The following CDH19 variants were observed in gnomAD, a reference collection of about 807,000 sequenced individuals.
The protein encoded by CDH19 is cadherin-19.
In CDH19, 67 loss-of-function variants were observed where a neutral mutation model predicts 64.2. That is an observed-to-expected ratio of 1.04 (90% CI 0.86 to 1.28). The LOEUF (loss-of-function observed/expected upper bound fraction) is 1.28. Ranked by LOEUF, CDH19 falls within the 50% of genes most tolerant of loss-of-function variation. CDH19 has a pLI of 0.00. For synonymous variants in CDH19, 346 were observed against 319.3 expected (o/e 1.08, Z -0.89); for missense variants, 1,030 against 929.0 (o/e 1.11, Z -1.41).
chr18:66,546,570 C>T (rs190577505), intron 5 of CDH19, among the ~76,000 whole-genome samples: 1 of 152,214 alleles, frequency 6.6e-6, no homozygotes, highest in East Asian at 1.9e-4. Context: ...TTACAAGGTC[C>T]TGTCCTAGAG....
intron 1 of CDH19, among the ~76,000 whole-genome samples, chr18:66,580,958 A>T (rs1222275695): frequency 6.6e-6 from 1 of 152,046 alleles, no homozygotes; most frequent in African/African-American, 2.4e-5. Flanking sequence ...TGCTAGACTG[A>T]GAAACACTCT....
chr18:66,516,298 T>C (rs752251269), intron 9 of CDH19, among the ~76,000 whole-genome samples: 2 of 151,938 alleles, frequency 1.3e-5, no homozygotes, highest in African/African-American at 4.8e-5. Flanking sequence ...AAATAGAGAA[T>C]CTAGTCCGCA....
intron 9 of CDH19, among the ~76,000 whole-genome samples, chr18:66,524,229 A>G (rs1003619508): frequency 3.3e-5 from 5 of 151,670 alleles, no homozygotes; most frequent in Non-Finnish European, 1.5e-5. Flanking sequence ...GCACACATGC[A>G]TGGACACCTG....
intron 3 of CDH19, among the ~76,000 whole-genome samples, chr18:66,559,402 A>C (rs563880167): frequency 7.6e-4 from 116 of 152,066 alleles, no homozygotes; most frequent in African/African-American, 2.7e-3. Flanking sequence ...AATAAAAAGA[A>C]AAAAATGTTT....
At chr18:66,520,348 T>G (rs1985928761) in intron 9 of CDH19, among the ~76,000 whole-genome samples, 2 of 151,326 alleles carry the variant, frequency 1.3e-5, no homozygotes, top group Non-Finnish European at 2.9e-5. Context: ...GCTGTTTTTT[T>G]TTTTTTTTTT....
chr18:66,510,134 A>C (rs558605124), intron 10 of CDH19, among the ~76,000 whole-genome samples: 1 of 151,842 alleles, frequency 6.6e-6, no homozygotes, highest in African/African-American at 2.4e-5. Context: ...TAGTCACCAA[A>C]TTTTAGAAGA....
At chr18:66,544,293 T>C in intron 6 of CDH19, 69 bp from the exon 7 acceptor site, 1 of 1,443,834 alleles carries the variant, frequency 6.9e-7, no homozygotes, top group Non-Finnish European at 9.3e-7. Context: ...AGAAAAAAGG[T>C]TTTACCTGTT....
At chr18:66,537,309 T>C (rs1441297313) in intron 7 of CDH19, among the ~76,000 whole-genome samples, 14 of 152,000 alleles carry the variant, frequency 9.2e-5, no homozygotes, top group Non-Finnish European at 1.5e-5. Flanking sequence ...TATTGGTCAA[T>C]TATTTTAAAG....
At chr18:66,565,687 C>T (rs1987883351) in intron 3 of CDH19, among the ~76,000 whole-genome samples, 2 of 151,900 alleles carry the variant, frequency 1.3e-5, no homozygotes, top group Non-Finnish European at 1.5e-5. Context: ...GATTTATTTA[C>T]TTCACAGTCA....
intron 7 of CDH19, among the ~76,000 whole-genome samples, chr18:66,543,676 A>G (rs547313226): frequency 1.3e-5 from 2 of 152,160 alleles, no homozygotes; most frequent in East Asian, 3.9e-4. Flanking sequence ...CGAGGTCAGG[A>G]GTTCGAGACC....
chr18:66,551,249 C>G lies in CDH19; in HGVS notation c.620G>C (p.Arg207Thr). The G allele has an allele frequency of 7.2e-7, 1 of 1,382,196 alleles. No individual in the cohort carries two copies. The highest frequency in any genetic ancestry group is 1.8e-5 in the Admixed American group (1 of 55,840). The allele number at this position is 1,382,196 out of a possible 1,614,324, so 85.6% of individuals were successfully genotyped here. Reference sequence around the variant, plus strand: ...TTCTCTATCCATTTTAGAAGATATTCTTATGACTCCTTTAAAAATATAATA... The same window carrying G: ...TTCTCTATCCATTTTAGAAGATATTGTTATGACTCCTTTAAAAATATAATA... ...FSVEPTTGVI[R>T]ISSKMDRELQ... The change falls in exon 5 of 12, where the codon AGA (arginine) becomes ACA (threonine). Residue 207 changes from arginine (R) to threonine (T), a missense_variant. By Grantham distance (71) the Arg-to-Thr change is moderately conservative. Transcript: ENST00000262150.
intron 8 of CDH19, chr18:66,532,557 T>C (rs1986496438): frequency 3.2e-6 from 1 of 309,334 alleles, no homozygotes; most frequent in Non-Finnish European, 6.3e-6. Flanking sequence ...AAAAGCTTTG[T>C]ATGTAAGTTT....
chr18:66,549,793 A>G (rs1987272441), intron 5 of CDH19, among the ~76,000 whole-genome samples: 1 of 152,092 alleles, frequency 6.6e-6, no homozygotes, highest in Non-Finnish European at 1.5e-5. Flanking sequence ...GTGTGTGCGC[A>G]CACACATTAA....
At chr18:66,550,240 T>C (rs943285512) in intron 5 of CDH19, among the ~76,000 whole-genome samples, 1 of 152,174 alleles carries the variant, frequency 6.6e-6, no homozygotes, top group Non-Finnish European at 1.5e-5. Flanking sequence ...CCTCCAATAA[T>C]TGCATAAGAA....
At chr18:66,523,097 C>A (rs543463320) in intron 9 of CDH19, among the ~76,000 whole-genome samples, 1 of 152,156 alleles carries the variant, frequency 6.6e-6, no homozygotes, top group East Asian at 1.9e-4. Flanking sequence ...GACAGGTTTT[C>A]CAATTTTATT....
At chr18:66,602,554 G>T (rs1218659769) in intron 1 of CDH19, among the ~76,000 whole-genome samples, 1 of 151,782 alleles carries the variant, frequency 6.6e-6, no homozygotes, top group South Asian at 2.1e-4. Flanking sequence ...TATGCTTTTC[G>T]ATATATGCAG....
At chr18:66,531,806 T>C (rs1439578916) in intron 8 of CDH19, among the ~76,000 whole-genome samples, 1 of 152,066 alleles carries the variant, frequency 6.6e-6, no homozygotes, top group Admixed American at 6.6e-5. Flanking sequence ...CATAAAGCAA[T>C]TGCATAAATT....
intron 10 of CDH19, among the ~76,000 whole-genome samples, chr18:66,510,622 T>TAATA (rs1568171134): frequency 3.0e-5 from 4 of 132,868 alleles, no homozygotes; most frequent in African/African-American, 1.1e-4. Flanking sequence ...ATAATAATAA[T>TAATA]AATAATACAT....
chr18:66,585,577 T>C (rs1056629752), intron 1 of CDH19, among the ~76,000 whole-genome samples: 1 of 152,088 alleles, frequency 6.6e-6, no homozygotes, highest in African/African-American at 2.4e-5. Context: ...CCGGCACGTA[T>C]TAAGAGTTAA....
Sources: gnomAD v4.1 joint callset for allele counts (sites outside exome capture counted in the v4.1 genomes callset) on GRCh38, gnomAD v4.1.1 for gene constraint, MANE v1.5 for transcripts, NCBI Gene and HGNC (gene_info 2026-07-23, HGNC 2026-07-21) for gene names.